SPATA13: variants seen among roughly 807,000 people sequenced by gnomAD.
The protein encoded by SPATA13 is spermatogenesis associated 13.
In SPATA13, 50 loss-of-function variants were observed where a neutral mutation model predicts 104.0. That is an observed-to-expected ratio of 0.48 (90% confidence interval 0.38 to 0.61). SPATA13 has a LOEUF of 0.61. Ranked by LOEUF, SPATA13 falls within the 20% of genes least tolerant of loss-of-function variation. SPATA13 has a pLI of 0.00. For missense variants in SPATA13, 1,524 were observed against 1,690.6 expected (o/e 0.90, Z 1.73); for synonymous variants, 606 against 667.5 (o/e 0.91, Z 1.42).
At chr13:24,123,547 T>C in intron 3 of SPATA13, 6 of 1,611,662 alleles carry the variant, frequency 3.7e-6, no homozygotes, top group Non-Finnish European at 5.1e-6. Context: ...TCTGTAAGAA[T>C]CTGGTAACAA....
intron 3 of SPATA13, among the ~76,000 whole-genome samples, chr13:24,131,353 C>T (rs574394345): frequency 6.6e-6 from 1 of 152,280 alleles, no homozygotes; most frequent in African/African-American, 2.4e-5. Flanking sequence ...TACCCCAGGG[C>T]CAAGGACCAG....
chr13:24,123,421 G>T, intron 3 of SPATA13: 2 of 1,372,208 alleles, frequency 1.5e-6, no homozygotes, highest in Non-Finnish European at 1.0e-6. Context: ...GGGAGTACAT[G>T]ATTCTGCAAC....
At chr13:24,268,026 G>T (rs1874374687) in intron 4 of SPATA13, among the ~76,000 whole-genome samples, 1 of 152,222 alleles carries the variant, frequency 6.6e-6, no homozygotes, top group Non-Finnish European at 1.5e-5. Flanking sequence ...TGATACTGCT[G>T]GTCCATGGGC....
intron 3 of SPATA13, among the ~76,000 whole-genome samples, chr13:24,025,211 T>A (rs1877157397): frequency 6.6e-6 from 1 of 152,066 alleles, no homozygotes; most frequent in East Asian, 1.9e-4. Context: ...CTAAAATTTT[T>A]ATTAAAATGA....
intron 1 of SPATA13, among the ~76,000 whole-genome samples, chr13:24,199,077 C>A (rs1022418374): frequency 2.6e-5 from 4 of 151,566 alleles, no homozygotes; most frequent in African/African-American, 9.7e-5. Context: ...TTTACAGAGA[C>A]AGGATTTTAT....
Position 24,208,022 on chromosome 13 carries a change from G to T in SPATA13, c.-111-14797G>T, listed in dbSNP as rs560278879. ...GTGTAATTAGGAGTAATTTAGGGAA[G>T]TTGGAGCCGCACTGCCTGATGGGAG... On this transcript the variant is annotated intron_variant, in intron 1 of 12. Coordinates refer to ENST00000382108, the MANE Select transcript of SPATA13 (RefSeq NM_001166271.3). Among the ~76,000 whole-genome samples, 8 of 152,348 alleles carry T rather than the reference G, an allele frequency of 5.3e-5. No homozygotes were observed. The South Asian group carries it at 8.3e-4, about 16-fold the overall frequency.
rs183519981 is a variant in SPATA13 at position 24,200,249 on chromosome 13, C to T, written c.-111-22570C>T. Among the ~76,000 whole-genome samples, 18 of 152,190 alleles carry T rather than the reference C, an allele frequency of 1.2e-4. No homozygotes were observed. The East Asian group carries it at 3.3e-3, about 28-fold the overall frequency. ...TCAGGGATGTGGCACTCCTGGGTGG[C>T]GCAGAAGGATTTGAACATGGGCCTA... On this transcript the variant is annotated intron_variant, in intron 1 of 12. Coordinates refer to ENST00000382108, the MANE Select transcript of SPATA13 (RefSeq NM_001166271.3).
intron 4 of SPATA13, among the ~76,000 whole-genome samples, chr13:24,256,467 ATG>A (rs1452917131): frequency 6.6e-6 from 1 of 152,266 alleles, no homozygotes; most frequent in African/African-American, 2.4e-5. Flanking sequence ...TACAATTATT[ATG>A]TGAGTTTAAA....
In SPATA13 at chr13:24,190,351, T is replaced by C. The variant is rs61948463; in HGVS notation, c.-112+29419T>C. Among the ~76,000 whole-genome samples the C allele has an allele frequency of 3.8e-4, 2 of 5,312 alleles. 1 individual carries two copies. The highest frequency in any genetic ancestry group is 3.9e-4 in the African/African-American group (2 of 5,162). 3.5% of individuals were successfully genotyped at this position (5,312 alleles called of 152,430 possible). A position where few individuals can be genotyped will look rare whatever the true frequency, so the allele number is the denominator to read the frequency against. On this transcript the variant is annotated intron_variant, in intron 1 of 12. Transcript: ENST00000382108. Reference sequence around the variant, plus strand: ...ATATTATTATATATAATATATAATATTATATATTATTATATATAATATATA... The same window carrying C: ...ATATTATTATATATAATATATAATACTATATATTATTATATATAATATATA...
intron 2 of SPATA13, among the ~76,000 whole-genome samples, chr13:23,994,724 G>A (rs765649165): frequency 2.6e-5 from 4 of 152,170 alleles, no homozygotes; most frequent in Non-Finnish European, 5.9e-5. Context: ...TGGGGTCTGT[G>A]TAGAGGAATA....
chr13:24,004,796 T>G (rs1277389338), intron 2 of SPATA13, among the ~76,000 whole-genome samples: 5 of 152,134 alleles, frequency 3.3e-5, no homozygotes, highest in Non-Finnish European at 1.5e-5. Context: ...AGGCTAATAA[T>G]AGTAAGATGC....
chr13:24,010,494 T>C (rs1375778164), intron 2 of SPATA13, among the ~76,000 whole-genome samples: 1 of 151,676 alleles, frequency 6.6e-6, no homozygotes, highest in Non-Finnish European at 1.5e-5. Flanking sequence ...AGCTACGTTA[T>C]TTAGGAATAG....
chr13:23,983,946 A>G (rs1331133770), intron 2 of SPATA13: 2 of 985,324 alleles, frequency 2.0e-6, no homozygotes, highest in Non-Finnish European at 2.4e-6. Context: ...AAGTTGAGCA[A>G]CTTTCTGCCT....
chr13:24,078,238 A>T (rs1439143342), intron 3 of SPATA13, among the ~76,000 whole-genome samples: 1 of 152,178 alleles, frequency 6.6e-6, no homozygotes, highest in African/African-American at 2.4e-5. Context: ...AAGCAGGATC[A>T]AGAGAGGCAA....
chr13:24,224,332 C>T lies in SPATA13; in HGVS notation c.1403C>T (p.Thr468Ile), dbSNP rs748491954. Residue 468 changes from threonine (T) to isoleucine (I), a missense_variant, in exon 2 of 13, where the codon ACA (threonine) becomes ATA (isoleucine). Transcript: ENST00000382108. ...EQPPTPLRPT[T>I]PKPQSPQSPQ... ...CCTCCCACCCCTCTAAGGCCCACCACACCCAAGCCCCAGAGCCCTCAGAGC... is the reference window on the plus strand; with the variant it reads ...CCTCCCACCCCTCTAAGGCCCACCATACCCAAGCCCCAGAGCCCTCAGAGC... 6 of 1,551,612 alleles carry T rather than the reference C, an allele frequency of 3.9e-6. No homozygotes were observed. The highest frequency in any genetic ancestry group is 5.2e-6 in the Non-Finnish European group (6 of 1,147,018).
intron 3 of SPATA13, among the ~76,000 whole-genome samples, chr13:24,083,295 C>T (rs1879604687): frequency 6.6e-6 from 1 of 152,218 alleles, no homozygotes. Context: ...CAGCTCTTGC[C>T]ACCTGACAAA....
intron 3 of SPATA13, among the ~76,000 whole-genome samples, chr13:24,046,860 T>TGCAGAGATAAAATCAGTTCA (rs1878169268): frequency 6.6e-6 from 1 of 151,964 alleles, no homozygotes; most frequent in Non-Finnish European, 1.5e-5. Flanking sequence ...TCTTGACCAC[T>TGCAGAGATAAAATCAGTTCA]GCAGAGATAA....
chr13:24,053,021 C>T (rs965555300), intron 3 of SPATA13, among the ~76,000 whole-genome samples: 3 of 151,306 alleles, frequency 2.0e-5, no homozygotes, highest in Non-Finnish European at 4.4e-5. Flanking sequence ...TCTCTTCTCT[C>T]CTGCTGCTCT....
At position 24,224,142 on chromosome 13, in the gene SPATA13, G is replaced by A. The variant is rs1306349822; in HGVS notation, c.1213G>A (p.Ala405Thr). The A allele has an allele frequency of 3.9e-6, 6 of 1,551,602 alleles. No individual in the cohort carries two copies. The highest frequency in any genetic ancestry group is 2.7e-5 in the African/African-American group (2 of 73,054). The change falls in exon 2 of 13, where the codon GCT becomes ACT. Residue 405 changes from alanine to threonine, a missense_variant. Ala to Thr is a moderately conservative substitution (Grantham distance 58). This residue lies in a region of SPATA13 where 1,089 missense variants were observed against 1,135.9 expected (regional missense o/e 0.96). Transcript: ENST00000382108. ...CACCTCTAAGGGGCCCCACCTAGAC[G>A]CTGACACTGCCGTATTTCCTCTTGA... ...SATSKGPHLDADTAVFPLETK... is the reference protein window; with the variant it reads ...SATSKGPHLDTDTAVFPLETK...
Sources: allele counts gnomAD v4.1 joint callset (sites outside exome capture counted in the v4.1 genomes callset), GRCh38; gene constraint gnomAD v4.1.1; regional missense constraint gnomAD v4.1.1; transcripts MANE v1.5; gene names NCBI Gene and HGNC (gene_info 2026-07-23, HGNC 2026-07-21).